Variants in REXO5 observed in about 807,000 individuals in gnomAD.
REXO5 encodes the protein RNA exonuclease 5, also known as exonuclease NEF-sp.
A neutral mutation model predicts 88.5 loss-of-function variants in REXO5; 48 were observed. The observed-to-expected ratio is 0.54, with a 90% CI of 0.43 to 0.69. REXO5 has a LOEUF of 0.69. REXO5 is among the 30% of genes least tolerant of loss of function. REXO5 has a pLI of 0.00. For synonymous variants in REXO5, 311 were observed against 336.5 expected (o/e 0.92, Z 0.83); for missense variants, 749 against 912.2 (o/e 0.82, Z 2.30).
chr16:20,825,981 A>C lies in REXO5; in HGVS notation c.821+33A>C, dbSNP rs761142944. 1.3e-4 allele frequency: 181 copies of C among 1,407,618 alleles called. 1 individual carries two copies. In the Admixed American group the frequency reaches 3.1e-3, roughly 24 times the overall value. The allele number at this position is 1,407,618 out of a possible 1,614,324, so 87.2% of individuals were successfully genotyped here. On this transcript the variant is annotated intron_variant, in intron 8 of 19. Transcript: ENST00000261377. ...TCACCTTGCCTGCAGCTCTTCTAAG[A>C]GCTATCGGGCTAGAATGGAATAATA...
intron 2 of REXO5, 73 bp downstream of exon 2, chr16:20,807,164 G>C (rs2080897197): frequency 6.6e-7 from 1 of 1,516,284 alleles, no homozygotes; most frequent in African/African-American, 1.4e-5. Context: ...AACCGCCGTC[G>C]GGGGCACTGG....
intron 11 of REXO5, among the ~76,000 whole-genome samples, chr16:20,829,031 C>T (rs549248676): frequency 3.3e-5 from 5 of 151,736 alleles, no homozygotes; most frequent in East Asian, 1.9e-4. Context: ...GCATGTATTT[C>T]GAATTAAGAC....
In REXO5 at chr16:20,832,229, C is replaced by T. The variant is rs374773067; in HGVS notation, c.1232C>T (p.Thr411Ile). ...IQAAGQEPKN[T>I]AEVLQHPNTS... Reference sequence around the variant, plus strand: ...GCAGCAGGCCAAGAGCCTAAAAACACAGCAGAAGTACTTCAGCACCCAAAC... The same window carrying T: ...GCAGCAGGCCAAGAGCCTAAAAACATAGCAGAAGTACTTCAGCACCCAAAC... Residue 411 changes from threonine (T) to isoleucine (I), a missense_variant, in exon 12 of 20, where the codon ACA becomes ATA. Coordinates refer to ENST00000261377, the MANE Select transcript of REXO5 (RefSeq NM_030941.3). The T allele has an allele frequency of 6.2e-7, 1 of 1,611,582 alleles. No individual in the cohort carries two copies. Among genetic ancestry groups the T allele is most frequent in the African/African-American group, 1.3e-5 (1 of 74,886 alleles).
chr16:20,830,852 C>T (rs571581518), intron 11 of REXO5, among the ~76,000 whole-genome samples: 1 of 152,146 alleles, frequency 6.6e-6, no homozygotes, highest in African/African-American at 2.4e-5. Flanking sequence ...TTATAGTGTG[C>T]ACCTGAAGAC....
rs775281572 is a variant in REXO5, at chr16:20,824,537, A to G, written c.705+10A>G. The G allele has an allele frequency of 5.1e-6, 8 of 1,560,420 alleles. No homozygotes were observed. The African/African-American group carries it at 5.4e-5, about 11-fold the overall frequency. On this transcript the variant is annotated intron_variant, in intron 7 of 19. Coordinates refer to ENST00000261377, the MANE Select transcript of REXO5 (RefSeq NM_030941.3). ...ACTTGACTGTGAAATGGCACGTACT[A>G]CTTTTAATTTTTCAATTGGAGTGTT...
At position 20,848,252 on chromosome 16, in the gene REXO5, A is replaced by T. The variant is rs76416050; in HGVS notation, c.2244-1147A>T. ...ACTCTTGGGAAACGTTGGGGAAAAA[A>T]GGAATAGCAAAAACAATAGAAGGTT... On this transcript the variant is annotated intron_variant, in intron 19 of 19. Coordinates refer to ENST00000261377, the MANE Select transcript of REXO5 (RefSeq NM_030941.3). Among the ~76,000 whole-genome samples the T allele has an allele frequency of 2.9e-3, 438 of 152,248 alleles. 3 individuals carry two copies. The highest frequency in any genetic ancestry group is 0.01 in the African/African-American group (424 of 41,530).
chr16:20,807,029 G>GT lies in REXO5; in HGVS notation c.77dup (p.Gly27ArgfsTer4). The GT allele has an allele frequency of 6.2e-7, 1 of 1,603,706 alleles. No individual in the cohort carries two copies. ...AAGCAGGCAGGCCCCAAATAAGCTG[G>GT]TCGGGGCAGCTGAGGCGATGAAAGC... On this transcript the variant is annotated frameshift_variant, in exon 2 of 20. Coordinates refer to ENST00000261377, the MANE Select transcript of REXO5 (RefSeq NM_030941.3). LOFTEE classifies it high-confidence loss of function.
chr16:20,833,228 T>C (rs979170428), intron 13 of REXO5, 105 bp downstream of exon 13: 4 of 1,222,012 alleles, frequency 3.3e-6, no homozygotes, highest in Non-Finnish European at 1.1e-6. Context: ...CAACCCTGGC[T>C]ACAGTTAGCA....
Position 20,823,685 on chromosome 16 carries a change from T to G in REXO5, c.617-754T>G, listed in dbSNP as rs528442265. The G allele has an allele frequency of 2.0e-5, 3 of 152,326 alleles. No individual in the cohort carries two copies. In the South Asian group the frequency reaches 6.2e-4, roughly 32 times the overall value. 9.4% of individuals were successfully genotyped at this position (152,326 alleles called of 1,614,324 possible). On this transcript the variant is annotated intron_variant, in intron 6 of 19. Coordinates refer to ENST00000261377, the MANE Select transcript of REXO5 (RefSeq NM_030941.3). Reference sequence around the variant, plus strand: ...GGTCAAAGGTTTGCATAGCCCCCTTTGTTCCGTGTCAAACAAGATTTAGAT... The same window carrying G: ...GGTCAAAGGTTTGCATAGCCCCCTTGGTTCCGTGTCAAACAAGATTTAGAT...
rs754029561 is a variant in REXO5 at position 20,845,051 on chromosome 16, C to T, written c.1937-3C>T. Reference sequence around the variant, plus strand: ...AACATAAGGTGGGGGTTCTTGCTTTCAGAATTCAAAAGTTTTGGCAGTGCC... The same window carrying T: ...AACATAAGGTGGGGGTTCTTGCTTTTAGAATTCAAAAGTTTTGGCAGTGCC... On this transcript the variant is annotated splice_polypyrimidine_tract_variant and splice_region_variant and intron_variant, in intron 17 of 19. Transcript: ENST00000261377. 4 of 1,611,552 alleles carry T rather than the reference C, an allele frequency of 2.5e-6. No individual in the cohort carries two copies. The highest frequency in any genetic ancestry group is 3.4e-6 in the Non-Finnish European group (4 of 1,178,344).
intron 11 of REXO5, among the ~76,000 whole-genome samples, chr16:20,829,838 T>C (rs2081314157): frequency 6.6e-6 from 1 of 152,238 alleles, no homozygotes; most frequent in African/African-American, 2.4e-5. Context: ...TGTCACATTC[T>C]GTCTTTTCTG....
At chr16:20,831,232 T>C (rs989687508) in intron 11 of REXO5, among the ~76,000 whole-genome samples, 4 of 152,134 alleles carry the variant, frequency 2.6e-5, no homozygotes, top group African/African-American at 9.7e-5. Flanking sequence ...ATATCTAGCT[T>C]AATAGAAAAC....
chr16:20,838,452 G>A (rs571778001), intron 13 of REXO5, among the ~76,000 whole-genome samples: 1 of 152,262 alleles, frequency 6.6e-6, no homozygotes, highest in East Asian at 1.9e-4. Context: ...TGAGGCTTGG[G>A]CATTTGAATA....
intron 7 of REXO5, 30 bp from the exon 8 acceptor site, chr16:20,825,803 C>A: frequency 6.7e-7 from 1 of 1,484,268 alleles, no homozygotes; most frequent in Non-Finnish European, 9.4e-7. Context: ...TTCCACAGTT[C>A]AGCAGCCTGA....
intron 11 of REXO5, among the ~76,000 whole-genome samples, chr16:20,830,972 C>T (rs150408451): frequency 6.7e-6 from 1 of 148,860 alleles, no homozygotes; most frequent in African/African-American, 2.5e-5. Flanking sequence ...TAACACAAAT[C>T]ACTTTTTTTC....
chr16:20,825,925 C>T lies in REXO5; in HGVS notation c.798C>T (p.Asn266=), dbSNP rs759825617. Reference sequence around the variant, plus strand: ...TGGATGAACTGGTCAAACCTGAAAACAAGATTCTGGACTACCTCACCAGGT... The same window carrying T: ...TGGATGAACTGGTCAAACCTGAAAATAAGATTCTGGACTACCTCACCAGGT... ...CVMDELVKPE[N]KILDYLTSFS... The change falls in exon 8 of 20, where the codon AAC becomes AAT. Residue 266 remains asparagine (N), a synonymous_variant. Transcript: ENST00000261377. 4.3e-6 allele frequency: 7 copies of T among 1,613,360 alleles called. No individual in the cohort carries two copies. The African/African-American group carries it at 8.0e-5, about 18-fold the overall frequency.
intron 13 of REXO5, 135 bp from the exon 14 acceptor site, chr16:20,839,620 C>G (rs1332405645): frequency 2.0e-6 from 1 of 502,788 alleles, no homozygotes; most frequent in Non-Finnish European, 3.6e-6. Flanking sequence ...TTCCTGCAGA[C>G]CTGGAAGTCA....
chr16:20,807,396 G>A (rs1163728302), intron 2 of REXO5: 2 of 319,344 alleles, frequency 6.3e-6, no homozygotes, highest in Non-Finnish European at 1.2e-5. Flanking sequence ...TGTCAACATG[G>A]AGAAATCCCC....
intron 5 of REXO5, among the ~76,000 whole-genome samples, chr16:20,819,801 A>G (rs2081141491): frequency 6.6e-6 from 1 of 151,398 alleles, no homozygotes; most frequent in Admixed American, 6.6e-5. Flanking sequence ...TCTGTTGCCC[A>G]GGCTAAAGTG....
Sources: gnomAD v4.1 joint callset for allele counts (sites outside exome capture counted in the v4.1 genomes callset) on GRCh38, gnomAD v4.1.1 for gene constraint, MANE v1.5 for transcripts, NCBI Gene and HGNC (gene_info 2026-07-23, HGNC 2026-07-21) for gene names.